CD96: variants seen among roughly 807,000 people sequenced by gnomAD.
The protein encoded by CD96 is T-cell surface protein tactile.
A neutral mutation model predicts 71.3 loss-of-function variants in CD96; 70 were observed. The ratio of observed to expected loss-of-function variants is 0.98; its 90% CI spans 0.81 to 1.20. The LOEUF is 1.20. Among genes scored for constraint, CD96 ranks in the 50% most tolerant of loss-of-function variants. The pLI is 0.00. For synonymous variants in CD96, 248 were observed against 233.0 expected, an observed-to-expected ratio of 1.06 and a Z score of -0.59; for missense variants, 742 against 677.5, an observed-to-expected ratio of 1.10 and a Z score of -1.06.
At chr3:111,604,165 G>A (rs145965856) in intron 7 of CD96, among the ~76,000 whole-genome samples, 5 of 152,268 alleles carry the variant, frequency 3.3e-5, no homozygotes, top group African/African-American at 9.6e-5. Context: ...AAGCTCTGAG[G>A]AAACCCCGGA....
At chr3:111,593,526 T>C (rs754329237) in intron 5 of CD96, 1 of 1,510,098 alleles carries the variant, frequency 6.6e-7, no homozygotes, top group East Asian at 2.3e-5. Flanking sequence ...GTTTTCAGAA[T>C]AGATTCTCCA....
intron 8 of CD96, among the ~76,000 whole-genome samples, chr3:111,620,318 ACT>A (rs987598498): frequency 6.6e-6 from 1 of 152,100 alleles, no homozygotes; most frequent in African/African-American, 2.4e-5. Context: ...AAATTTAGAG[ACT>A]CTCAAATGTT....
chr3:111,609,562 T>C (rs1937799903), intron 8 of CD96, among the ~76,000 whole-genome samples: 1 of 152,188 alleles, frequency 6.6e-6, no homozygotes, highest in South Asian at 2.1e-4. Flanking sequence ...CTTATATCAG[T>C]GCTTACAAAC....
At chr3:111,632,944 G>A (rs958124921) in intron 10 of CD96, among the ~76,000 whole-genome samples, 1 of 152,276 alleles carries the variant, frequency 6.6e-6, no homozygotes, top group African/African-American at 2.4e-5. Flanking sequence ...TCACTGAGGT[G>A]GCACTTTTAG....
rs1379242822 is a variant in CD96, at chr3:111,650,982, C to T, written c.*1176C>T. 1 of 152,244 alleles carries T rather than the reference C, an allele frequency of 6.6e-6. No homozygotes were observed. Among genetic ancestry groups the T allele is most frequent in the Non-Finnish European group, 1.5e-5 (1 of 68,046 alleles). 9.4% of individuals were successfully genotyped at this position (152,244 alleles called of 1,614,324 possible). On this transcript the variant is annotated 3_prime_UTR_variant, in exon 14 of 14. Transcript: ENST00000352690. ...AGTCCCAAAAGGAAACTTTAGTTCA[C>T]TTGCAGTATGCTTATCCTTGACTGC...
At chr3:111,569,864 G>T in intron 3 of CD96, among the ~76,000 whole-genome samples, 1 of 152,180 alleles carries the variant, frequency 6.6e-6, no homozygotes, top group South Asian at 2.1e-4. Context: ...CAATCCAGAT[G>T]ACCCACTTTC....
chr3:111,594,037 A>C, intron 5 of CD96: 1 of 1,614,156 alleles, frequency 6.2e-7, no homozygotes, highest in Admixed American at 1.7e-5. Flanking sequence ...CCCATGCCTC[A>C]GAGAACCGGG....
chr3:111,646,581 G>A (rs1939838359), intron 12 of CD96, among the ~76,000 whole-genome samples: 1 of 151,720 alleles, frequency 6.6e-6, no homozygotes, highest in Admixed American at 6.6e-5. Context: ...AGGTGAGGAT[G>A]TGGAGAAAAG....
At chr3:111,600,522 C>T (rs1177873133) in intron 6 of CD96, among the ~76,000 whole-genome samples, 4 of 152,164 alleles carry the variant, frequency 2.6e-5, no homozygotes, top group Non-Finnish European at 5.9e-5. Context: ...ATACCCTGAC[C>T]ATGGATCAAT....
chr3:111,629,476 A>G (rs1938950400), intron 10 of CD96, among the ~76,000 whole-genome samples: 1 of 152,228 alleles, frequency 6.6e-6, no homozygotes, highest in African/African-American at 2.4e-5. Context: ...ATTGTCCTAA[A>G]CATATATGCA....
At chr3:111,597,172 G>A (rs1418742224) in intron 5 of CD96, among the ~76,000 whole-genome samples, 3 of 152,100 alleles carry the variant, frequency 2.0e-5, no homozygotes, top group African/African-American at 7.2e-5. Flanking sequence ...AAGAACTAGG[G>A]CTGGTCATAT....
At chr3:111,556,951 G>A (rs1229264970) in intron 2 of CD96, among the ~76,000 whole-genome samples, 20 of 111,812 alleles carry the variant, frequency 1.8e-4, no homozygotes, top group East Asian at 8.2e-4. Context: ...TTCTCTGATG[G>A]CCAGTGATGA....
At chr3:111,607,939 A>G (rs1026079254) in intron 8 of CD96, among the ~76,000 whole-genome samples, 1 of 152,220 alleles carries the variant, frequency 6.6e-6, no homozygotes, top group African/African-American at 2.4e-5. Context: ...ATAAAACCTT[A>G]AATCTCTCTA....
At chr3:111,553,257 T>C (rs953494177) in intron 2 of CD96, among the ~76,000 whole-genome samples, 10 of 151,912 alleles carry the variant, frequency 6.6e-5, no homozygotes, top group African/African-American at 2.4e-4. Context: ...CTATATTACA[T>C]TTGTTATTTT....
chr3:111,590,964 A>T (rs1936949128), intron 5 of CD96, among the ~76,000 whole-genome samples: 1 of 152,204 alleles, frequency 6.6e-6, no homozygotes, highest in South Asian at 2.1e-4. Flanking sequence ...TGTTTGAAAT[A>T]AATTAGGAAA....
intron 2 of CD96, among the ~76,000 whole-genome samples, chr3:111,550,877 A>G (rs184115245): frequency 1.2e-4 from 18 of 152,314 alleles, no homozygotes; most frequent in African/African-American, 4.1e-4. Flanking sequence ...AATTCGCACA[A>G]GGCTTTCTCC....
In CD96 at chr3:111,628,068, T is replaced by C. The variant is rs567781053; in HGVS notation, c.1321+3664T>C. On this transcript the variant is annotated intron_variant, in intron 10 of 13. Coordinates refer to ENST00000352690, the MANE Select transcript of CD96 (RefSeq NM_005816.5). ...GAATTAGCACAAAAACACTGAAAACTTTAAAAAAAGAAAAAGAAAAAGAAA... is the reference window on the plus strand; with the variant it reads ...GAATTAGCACAAAAACACTGAAAACCTTAAAAAAAGAAAAAGAAAAAGAAA... 7.9e-5 allele frequency among the ~76,000 whole-genome samples: 12 copies of C among 151,646 alleles called. No homozygotes were observed. The South Asian group carries it at 2.5e-3, about 32-fold the overall frequency.
intron 3 of CD96, chr3:111,570,855 G>C: frequency 6.2e-7 from 1 of 1,610,134 alleles, no homozygotes; most frequent in Admixed American, 1.7e-5. Context: ...AGGGTGCAAG[G>C]GTCCTGACCG....
intron 3 of CD96, chr3:111,571,122 G>A: frequency 1.4e-6 from 1 of 710,814 alleles, no homozygotes. Flanking sequence ...CAGGGTTACA[G>A]CACATGCTGT....
Sources: allele counts gnomAD v4.1 joint callset (sites outside exome capture counted in the v4.1 genomes callset), GRCh38; gene constraint gnomAD v4.1.1; transcripts MANE v1.5; gene names NCBI Gene and HGNC (gene_info 2026-07-23, HGNC 2026-07-21).